DNAI4: variants seen among roughly 807,000 people sequenced by gnomAD.
DNAI4 encodes dynein axonemal intermediate chain 4.
Under a neutral mutation model 105.8 loss-of-function variants are expected in DNAI4, and 85 were observed. The observed-to-expected ratio is 0.80, with a 90% CI of 0.67 to 0.96. DNAI4 has a LOEUF of 0.96. Ranked by LOEUF, DNAI4 falls within the 40% of genes least tolerant of loss-of-function variation. The pLI is 0.00. For synonymous variants in DNAI4, 352 were observed against 331.5 expected, an observed-to-expected ratio of 1.06 and a Z score of -0.67; for missense variants, 1,014 against 1,005.6, an observed-to-expected ratio of 1.01 and a Z score of -0.11.
intron 8 of DNAI4, among the ~76,000 whole-genome samples, chr1:66,844,319 G>A (rs1369892818): frequency 6.6e-6 from 1 of 152,046 alleles, no homozygotes; most frequent in East Asian, 1.9e-4. Flanking sequence ...CCAGCACTTT[G>A]GGAGGCTGAG....
intron 2 of DNAI4, among the ~76,000 whole-genome samples, chr1:66,897,973 T>C (rs112696479): frequency 0.049 from 7,504 of 152,182 alleles, 294 homozygotes; most frequent in African/African-American, 0.11. Context: ...AAAGCCAGCC[T>C]GGGAGAGCTA....
At chr1:66,830,463 G>A (rs1051128700) in intron 13 of DNAI4, among the ~76,000 whole-genome samples, 10 of 151,518 alleles carry the variant, frequency 6.6e-5, no homozygotes, top group African/African-American at 2.4e-4. Flanking sequence ...ACCATAGCAA[G>A]ACTACATCAC....
In DNAI4 at chr1:66,890,857, A is replaced by T. The variant is rs1292833882; in HGVS notation, c.643+297T>A. On this transcript the variant is annotated intron_variant, in intron 4 of 16. Coordinates refer to ENST00000371026, the MANE Select transcript of DNAI4 (RefSeq NM_024763.5). This position sits in a 1 kb window ranked among gnomAD's most constrained non-coding sequence, Gnocchi z 4.1. Reference sequence around the variant, plus strand: ...AGGAAGAAAAGGAAGAGGAAGAAGAAGAGGAAGAGGAAGAAGAAGAAGAAG... The same window carrying T: ...AGGAAGAAAAGGAAGAGGAAGAAGATGAGGAAGAGGAAGAAGAAGAAGAAG... The T allele has an allele frequency of 2.9e-5, 12 of 410,910 alleles. No homozygotes were observed. Among genetic ancestry groups the T allele is most frequent in the Non-Finnish European group, 5.2e-5 (12 of 229,570 alleles). The allele number at this position is 410,910 out of a possible 1,614,324, so 25.5% of individuals were successfully genotyped here.
chr1:66,862,637 G>A (rs1295163457), intron 6 of DNAI4, among the ~76,000 whole-genome samples: 1 of 152,208 alleles, frequency 6.6e-6, no homozygotes, highest in African/African-American at 2.4e-5. Context: ...ATAACTGGAA[G>A]TGGATAGAAA....
Position 66,862,128 on chromosome 1 carries a change from A to G in DNAI4, c.1096+19T>C, listed in dbSNP as rs368589268. ...CATGTTAAAGTCATTCAAAAAAACTAAAATAAATGAAATCTTACTTTTTTC... is the reference window on the plus strand; with the variant it reads ...CATGTTAAAGTCATTCAAAAAAACTGAAATAAATGAAATCTTACTTTTTTC... On this transcript the variant is annotated intron_variant, in intron 7 of 16. Transcript: ENST00000371026. The G allele has an allele frequency of 9.4e-4, 1,469 of 1,556,408 alleles. No individual in the cohort carries two copies. Among genetic ancestry groups the G allele is most frequent in the Non-Finnish European group, 1.1e-3 (1,328 of 1,159,158 alleles).
chr1:66,853,086 G>A lies in DNAI4; in HGVS notation c.1097-5408C>T, dbSNP rs544396673. On this transcript the variant is annotated intron_variant, in intron 7 of 16. Transcript: ENST00000371026. ...GTGTTGGTTAGGTGAGACACCATGA[G>A]GAAGTGAAACCAAAATGCACAAAAC... Among the ~76,000 whole-genome samples the A allele has an allele frequency of 3.9e-5, 6 of 152,282 alleles. No individual in the cohort carries two copies. The South Asian group carries it at 1.2e-3, about 32-fold the overall frequency.
At chr1:66,844,391 G>A (rs150816959) in intron 8 of DNAI4, among the ~76,000 whole-genome samples, 16 of 151,966 alleles carry the variant, frequency 1.1e-4, no homozygotes, top group African/African-American at 2.7e-4. Flanking sequence ...GCAAAACCCC[G>A]TCTCTACTAA....
chr1:66,854,508 T>C (rs540463758), intron 7 of DNAI4, among the ~76,000 whole-genome samples: 10 of 152,246 alleles, frequency 6.6e-5, no homozygotes, highest in African/African-American at 1.2e-4. Flanking sequence ...TTTTAAAAGG[T>C]TGAAGAAGAT....
intron 6 of DNAI4, among the ~76,000 whole-genome samples, chr1:66,869,073 AAAATAAATAAATAAAT>A (rs547848121): frequency 1.3e-5 from 2 of 148,672 alleles, no homozygotes; most frequent in African/African-American, 5.1e-5. Context: ...ACTCTGTCTC[AAAATAAATAAATAAAT>A]AAATAAATAA....
At chr1:66,887,564 TTAAACA>T (rs1334165380) in intron 4 of DNAI4, among the ~76,000 whole-genome samples, 2 of 152,108 alleles carry the variant, frequency 1.3e-5, no homozygotes, top group African/African-American at 4.8e-5. Flanking sequence ...GAGTCAGTTG[TTAAACA>T]TAGACATTAC....
chr1:66,918,030 G>A (rs1650189160), intron 1 of DNAI4, among the ~76,000 whole-genome samples: 1 of 152,190 alleles, frequency 6.6e-6, no homozygotes. Context: ...ACCTCAAGAG[G>A]AGAGGAAATT....
chr1:66,874,339 T>C (rs1242539308), intron 5 of DNAI4, among the ~76,000 whole-genome samples: 3 of 152,174 alleles, frequency 2.0e-5, no homozygotes, highest in Admixed American at 1.3e-4. Flanking sequence ...TATTTACCCA[T>C]ATTTTGCCTT....
At position 66,875,699 on chromosome 1, in the gene DNAI4, G is replaced by A. The variant is rs1646945463; in HGVS notation, c.644-762C>T. On this transcript the variant is annotated intron_variant, in intron 4 of 16. Transcript: ENST00000371026. Reference sequence around the variant, plus strand: ...TACAGCAGACATTCATGAGCCTTTGGGATAGGTAAAGCTTGGACAGCTTTA... The same window carrying A: ...TACAGCAGACATTCATGAGCCTTTGAGATAGGTAAAGCTTGGACAGCTTTA... Among the ~76,000 whole-genome samples, 3 of 151,962 alleles carry A rather than the reference G, an allele frequency of 2.0e-5. No homozygotes were observed. The South Asian group carries it at 6.2e-4, about 32-fold the overall frequency.
At chr1:66,874,976 C>T (rs1347282609) in intron 4 of DNAI4, 39 bp from the exon 5 acceptor site, 19 of 1,545,142 alleles carry the variant, frequency 1.2e-5, no homozygotes, top group Middle Eastern at 3.8e-4. Flanking sequence ...TTACTAATTG[C>T]TATTTTTAAT....
intron 13 of DNAI4, 103 bp from the exon 14 acceptor site, chr1:66,828,013 C>A (rs958721687): frequency 3.3e-5 from 23 of 703,430 alleles, no homozygotes; most frequent in Middle Eastern, 3.1e-4. Flanking sequence ...ATTCAAGAAC[C>A]CAAAATAAAA....
At position 66,874,792 on chromosome 1, in the gene DNAI4, A is replaced by C. The variant is rs984591891; in HGVS notation, c.789T>G (p.Ala263=). 3 of 1,606,256 alleles carry C rather than the reference A, an allele frequency of 1.9e-6. No individual in the cohort carries two copies. The highest frequency in any genetic ancestry group is 2.5e-6 in the Non-Finnish European group (3 of 1,177,994). Residue 263 remains alanine (A), a synonymous_variant, in exon 5 of 17, where the codon GCT becomes GCG. Coordinates refer to ENST00000371026, the MANE Select transcript of DNAI4 (RefSeq NM_024763.5). ...TVMVSVESEE[A]EKVTQRNKNY... ...TGAACCATACATACGTTACTTTCTCAGCTTCTTCAGATTCTACAGAGACCA... is the reference window on the plus strand; with the variant it reads ...TGAACCATACATACGTTACTTTCTCCGCTTCTTCAGATTCTACAGAGACCA...
chr1:66,883,002 T>G (rs761394637), intron 4 of DNAI4, among the ~76,000 whole-genome samples: 1 of 152,004 alleles, frequency 6.6e-6, no homozygotes, highest in Non-Finnish European at 1.5e-5. Context: ...TCTGTAAATA[T>G]TTTGTTAGAT....
intron 8 of DNAI4, 113 bp from the exon 9 acceptor site, chr1:66,840,784 C>T: frequency 9.0e-7 from 1 of 1,116,610 alleles, no homozygotes; most frequent in Non-Finnish European, 1.3e-6. Flanking sequence ...ATCAGATCTG[C>T]TGGATCATAT....
At chr1:66,875,660 T>C (rs1442476908) in intron 4 of DNAI4, among the ~76,000 whole-genome samples, 4 of 152,066 alleles carry the variant, frequency 2.6e-5, no homozygotes, top group Non-Finnish European at 5.9e-5. Context: ...ATGTTTTCTA[T>C]CAACAACAGG....
Sources: allele counts gnomAD v4.1 joint callset (sites outside exome capture counted in the v4.1 genomes callset), GRCh38; gene constraint gnomAD v4.1.1; non-coding constraint Gnocchi (gnomAD v3.1); transcripts MANE v1.5; gene names NCBI Gene and HGNC (gene_info 2026-07-23, HGNC 2026-07-21).